PGR: variants seen among roughly 807,000 people sequenced by gnomAD.
PGR encodes the protein nuclear receptor subfamily 3 group C member 3.
In PGR, 25 loss-of-function variants were observed where a neutral mutation model predicts 76.1. That is an observed-to-expected ratio of 0.33 (90% CI 0.24 to 0.46). The LOEUF (loss-of-function observed/expected upper bound fraction) is 0.46. Ranked by LOEUF, PGR falls within the 20% of genes least tolerant of loss-of-function variation. PGR has a pLI of 1.00. For synonymous variants in PGR, 579 were observed against 535.0 expected (o/e 1.08, Z -1.14); for missense variants, 1,172 against 1,225.3 (o/e 0.96, Z 0.65).
At chr11:101,061,551 T>C (rs1860498815) in intron 4 of PGR, among the ~76,000 whole-genome samples, 1 of 152,208 alleles carries the variant, frequency 6.6e-6, no homozygotes, top group Non-Finnish European at 1.5e-5. Flanking sequence ...TTGAATTTAC[T>C]TGGGGACTAA....
rs1859366872 is a variant in PGR at position 101,031,954 on chromosome 11, C to T, written c.*7162G>A. The T allele has an allele frequency of 4.3e-6, 1 of 231,956 alleles. No homozygotes were observed. The highest frequency in any genetic ancestry group is 5.6e-5 in the Admixed American group (1 of 17,726). 14.4% of individuals were successfully genotyped at this position (231,956 alleles called of 1,614,324 possible). On this transcript the variant is annotated 3_prime_UTR_variant, in exon 8 of 8. Transcript: ENST00000325455. ...CTCTAGTCTTACCCGTGTGTATAGACCTGGACTTTGAGGTTGGACAGACAT... is the reference window on the plus strand; with the variant it reads ...CTCTAGTCTTACCCGTGTGTATAGATCTGGACTTTGAGGTTGGACAGACAT...
At chr11:101,051,150 A>G (rs1332056458) in intron 5 of PGR, among the ~76,000 whole-genome samples, 3 of 152,084 alleles carry the variant, frequency 2.0e-5, no homozygotes, top group Non-Finnish European at 2.9e-5. Context: ...TGTCATTAGT[A>G]CCAAGCTATG....
At chr11:101,114,567 T>C (rs978167151) in intron 2 of PGR, among the ~76,000 whole-genome samples, 1 of 152,212 alleles carries the variant, frequency 6.6e-6, no homozygotes, top group Admixed American at 6.5e-5. Context: ...ATCTAATCTC[T>C]GTACAAATAT....
At chr11:101,082,190 C>T (rs1185932516) in intron 3 of PGR, among the ~76,000 whole-genome samples, 1 of 152,156 alleles carries the variant, frequency 6.6e-6, no homozygotes, top group African/African-American at 2.4e-5. Flanking sequence ...TTGCCTTCCA[C>T]CATGATTGTA....
rs1174338596 is a variant in PGR at position 101,034,706 on chromosome 11, C to G, written c.*4410G>C. On this transcript the variant is annotated 3_prime_UTR_variant, in exon 8 of 8. Coordinates refer to ENST00000325455, the MANE Select transcript of PGR (RefSeq NM_000926.4). ...GTTTATTAATAAATAGGGATGTGAT[C>G]CAACCTGAACTCAATAATCTAGGCC... 5.8e-6 allele frequency: 1 copy of G among 173,196 alleles called. No homozygotes were observed. Among genetic ancestry groups the G allele is most frequent in the Non-Finnish European group, 1.2e-5 (1 of 80,114 alleles). 10.7% of individuals were successfully genotyped at this position (173,196 alleles called of 1,614,324 possible). A position where few individuals can be genotyped will look rare whatever the true frequency, so the allele number is the denominator to read the frequency against.
chr11:101,072,561 G>C (rs1486097966), intron 3 of PGR, among the ~76,000 whole-genome samples: 1 of 152,196 alleles, frequency 6.6e-6, no homozygotes, highest in Non-Finnish European at 1.5e-5. Flanking sequence ...AGACCCATTG[G>C]TGTGCTATAT....
At chr11:101,049,824 C>A (rs972714182) in intron 6 of PGR, 105 bp downstream of exon 6, 13 of 862,240 alleles carry the variant, frequency 1.5e-5, no homozygotes, top group Middle Eastern at 6.1e-4. Flanking sequence ...TACTTATAAT[C>A]CAAGACGTCT....
chr11:101,121,291 T>C (rs565682696), intron 2 of PGR, among the ~76,000 whole-genome samples: 5 of 152,294 alleles, frequency 3.3e-5, no homozygotes, highest in South Asian at 2.1e-4. Flanking sequence ...CAAATTCAAA[T>C]AGATTATAGT....
intron 3 of PGR, among the ~76,000 whole-genome samples, chr11:101,085,350 T>G (rs1861455772): frequency 1.4e-5 from 2 of 139,100 alleles, no homozygotes; most frequent in African/African-American, 5.3e-5. Context: ...GAGTAAACAA[T>G]AAAATCAAGG....
chr11:101,094,230 G>A (rs1048370627), intron 2 of PGR, among the ~76,000 whole-genome samples: 1 of 152,062 alleles, frequency 6.6e-6, no homozygotes, highest in African/African-American at 2.4e-5. Context: ...ATCTACATTT[G>A]CTGTTTCTAC....
At chr11:101,088,700 A>T (rs1327577658) in intron 3 of PGR, among the ~76,000 whole-genome samples, 1 of 152,184 alleles carries the variant, frequency 6.6e-6, no homozygotes, top group Non-Finnish European at 1.5e-5. Flanking sequence ...GCCAAAAGAA[A>T]ATAAATTGTT....
At position 101,128,339 on chromosome 11, in the gene PGR, C is replaced by A. The variant is rs1473214847; in HGVS notation, c.732G>T (p.Leu244=). ...CTCCTCCTCCAGCCGCCGCGCCACCCAGAGCCCGAGGTTTGCCCTTCAGAA... is the reference window on the plus strand; with the variant it reads ...CTCCTCCTCCAGCCGCCGCGCCACCAAGAGCCCGAGGTTTGCCCTTCAGAA... ...GPLLKGKPRA[L]GGAAAGGGAA... The change falls in exon 1 of 8, where the codon CTG becomes CTT. Residue 244 remains leucine (L), a synonymous_variant. Coordinates refer to ENST00000325455, the MANE Select transcript of PGR (RefSeq NM_000926.4). The A allele has an allele frequency of 1.2e-6, 2 of 1,600,304 alleles. No homozygotes were observed. The highest frequency in any genetic ancestry group is 2.7e-5 in the African/African-American group (2 of 74,948).
Position 101,115,731 on chromosome 11 carries a change from T to A in PGR, c.1789+10276A>T, listed in dbSNP as rs567366327. ...GTGCAGTGAGCTGAGATTGTGCCAC[T>A]GCACTTCAGCCTGGGCTACAGAGCG... On this transcript the variant is annotated intron_variant, in intron 2 of 7. Transcript: ENST00000325455. Among the ~76,000 whole-genome samples the A allele has an allele frequency of 3.9e-5, 6 of 151,988 alleles. No individual in the cohort carries two copies. The East Asian group carries it at 9.7e-4, about 24-fold the overall frequency.
chr11:101,058,818 C>T (rs1416230366), intron 4 of PGR, among the ~76,000 whole-genome samples: 1 of 152,172 alleles, frequency 6.6e-6, no homozygotes, highest in Non-Finnish European at 1.5e-5. Flanking sequence ...ATAACTTACA[C>T]CTCTAAGTTT....
intron 2 of PGR, among the ~76,000 whole-genome samples, chr11:101,096,697 T>C (rs1861845283): frequency 5.9e-5 from 9 of 152,212 alleles, no homozygotes; most frequent in Admixed American, 5.9e-4. Context: ...GTTGCTACCA[T>C]TTTCTTCAGA....
intron 2 of PGR, among the ~76,000 whole-genome samples, chr11:101,117,357 C>A (rs1414560752): frequency 1.3e-5 from 2 of 151,802 alleles, no homozygotes; most frequent in Admixed American, 1.3e-4. Flanking sequence ...TTGTCTTTTT[C>A]TTGATTTGTA....
At chr11:101,069,215 A>C (rs1860829406) in intron 3 of PGR, among the ~76,000 whole-genome samples, 3 of 152,188 alleles carry the variant, frequency 2.0e-5, no homozygotes, top group Non-Finnish European at 4.4e-5. Flanking sequence ...ATGAATAGAC[A>C]CTTCTCAAAA....
intron 2 of PGR, among the ~76,000 whole-genome samples, chr11:101,103,816 TG>T (rs1862067210): frequency 6.6e-6 from 1 of 152,212 alleles, no homozygotes; most frequent in Admixed American, 6.5e-5. Context: ...TACATTTACC[TG>T]GGATGCAGTG....
chr11:101,054,270 A>G (rs1470464713), intron 4 of PGR, among the ~76,000 whole-genome samples: 3 of 152,090 alleles, frequency 2.0e-5, no homozygotes, highest in Non-Finnish European at 4.4e-5. Context: ...TTTATTTTTA[A>G]TACTGGCATC....
Sources: gnomAD v4.1 joint callset for allele counts (sites outside exome capture counted in the v4.1 genomes callset) on GRCh38, gnomAD v4.1.1 for gene constraint, MANE v1.5 for transcripts, NCBI Gene and HGNC (gene_info 2026-07-23, HGNC 2026-07-21) for gene names.